The following ITGA8 variants were observed in gnomAD, a reference collection of about 807,000 sequenced individuals.
The protein encoded by ITGA8 is integrin subunit alpha 8.
In ITGA8, 91 loss-of-function variants were observed where a neutral mutation model predicts 142.3. The observed-to-expected ratio is 0.64, with a 90% CI of 0.54 to 0.76. The LOEUF is 0.76. ITGA8 is among the 30% of genes least tolerant of loss of function. ITGA8 has a pLI of 0.00. For synonymous variants in ITGA8, 505 were observed against 485.2 expected (o/e 1.04, Z -0.54); for missense variants, 1,406 against 1,327.7 (o/e 1.06, Z -0.92).
At chr10:15,597,501 G>A (rs1020445506) in intron 20 of ITGA8, among the ~76,000 whole-genome samples, 1 of 152,108 alleles carries the variant, frequency 6.6e-6, no homozygotes, top group African/African-American at 2.4e-5. Context: ...TAAATGTGTT[G>A]GGTAGGTAAG....
intron 2 of ITGA8, among the ~76,000 whole-genome samples, chr10:15,697,854 G>A (rs1835086374): frequency 6.6e-6 from 1 of 152,190 alleles, no homozygotes. Flanking sequence ...TGATAGAGTA[G>A]TCTTTGGTGC....
At chr10:15,521,673 T>C (rs182319925) in intron 28 of ITGA8, among the ~76,000 whole-genome samples, 1 of 152,330 alleles carries the variant, frequency 6.6e-6, no homozygotes, top group African/African-American at 2.4e-5. Context: ...CTTTATTTCA[T>C]CTGACACATC....
At chr10:15,539,247 T>C (rs1833519404) in intron 27 of ITGA8, among the ~76,000 whole-genome samples, 1 of 152,150 alleles carries the variant, frequency 6.6e-6, no homozygotes, top group African/African-American at 2.4e-5. Flanking sequence ...TGAATGTCAC[T>C]AAGGGTCTCT....
At chr10:15,560,860 T>G (rs917611120) in intron 25 of ITGA8, among the ~76,000 whole-genome samples, 1 of 152,118 alleles carries the variant, frequency 6.6e-6, no homozygotes, top group Non-Finnish European at 1.5e-5. Flanking sequence ...GCTTATTTCT[T>G]TTTAGGTATG....
intron 8 of ITGA8, among the ~76,000 whole-genome samples, chr10:15,663,101 C>T (rs745502781): frequency 6.6e-6 from 1 of 151,354 alleles, no homozygotes; most frequent in Non-Finnish European, 1.5e-5. Context: ...ATTAAGAACC[C>T]ATCATCTAGA....
chr10:15,619,733 G>T (rs1420485660), intron 13 of ITGA8, among the ~76,000 whole-genome samples: 1 of 151,598 alleles, frequency 6.6e-6, no homozygotes, highest in African/African-American at 2.4e-5. Flanking sequence ...GAGAAAAAAA[G>T]AGCTACCGAT....
intron 6 of ITGA8, among the ~76,000 whole-genome samples, chr10:15,675,354 T>G (rs1430291956): frequency 2.0e-5 from 3 of 152,146 alleles, no homozygotes; most frequent in Non-Finnish European, 2.9e-5. Context: ...CTACAGCCAT[T>G]CAGTAGCAGG....
chr10:15,599,024 A>T (rs1325484911), intron 20 of ITGA8, among the ~76,000 whole-genome samples: 1 of 152,116 alleles, frequency 6.6e-6, no homozygotes, highest in Non-Finnish European at 1.5e-5. Context: ...ACCCAGAAAA[A>T]TCTTCCGTAA....
chr10:15,593,178 A>G (rs1297314286), intron 21 of ITGA8, among the ~76,000 whole-genome samples: 2 of 152,198 alleles, frequency 1.3e-5, no homozygotes, highest in Admixed American at 6.5e-5. Context: ...TACATGGATT[A>G]CTTTTTCCTT....
At chr10:15,523,812 G>T (rs535539867) in intron 28 of ITGA8, among the ~76,000 whole-genome samples, 21 of 150,830 alleles carry the variant, frequency 1.4e-4, no homozygotes, top group Admixed American at 4.0e-4. Context: ...CATACCTGTA[G>T]TCTCGGCTGC....
intron 20 of ITGA8, among the ~76,000 whole-genome samples, chr10:15,598,068 C>T (rs1833038241): frequency 6.6e-6 from 1 of 152,096 alleles, no homozygotes; most frequent in African/African-American, 2.4e-5. Context: ...TCACTCTCTA[C>T]CCTATTCTTT....
At chr10:15,595,563 A>G (rs915291024) in intron 21 of ITGA8, among the ~76,000 whole-genome samples, 1 of 152,204 alleles carries the variant, frequency 6.6e-6, no homozygotes, top group Non-Finnish European at 1.5e-5. Flanking sequence ...CACATTTGTG[A>G]TTAAGACCAC....
At chr10:15,647,425 A>C (rs1199579366) in intron 11 of ITGA8, among the ~76,000 whole-genome samples, 1 of 146,338 alleles carries the variant, frequency 6.8e-6, no homozygotes, top group Admixed American at 6.7e-5. Context: ...TGCAATTAAT[A>C]TGACTATACA....
chr10:15,524,430 T>C (rs74650185), intron 28 of ITGA8, among the ~76,000 whole-genome samples: 2 of 152,324 alleles, frequency 1.3e-5, no homozygotes, highest in East Asian at 3.9e-4. Context: ...CTGTAATGAT[T>C]CAGTGTTCAG....
intron 27 of ITGA8, among the ~76,000 whole-genome samples, chr10:15,547,813 A>G (rs1833706180): frequency 6.6e-6 from 1 of 152,144 alleles, no homozygotes; most frequent in Non-Finnish European, 1.5e-5. Flanking sequence ...TTCTCTGGAC[A>G]TATATATCTT....
In ITGA8 at chr10:15,563,195, A is replaced by C. The variant is rs192221607; in HGVS notation, c.2638-4993T>G. ...GCTCCATGCTTCTTGTACAGCCTGC[A>C]GAACCGTGAGCCAATTAAACCTCTT... On this transcript the variant is annotated intron_variant, in intron 25 of 29. Coordinates refer to ENST00000378076, the MANE Select transcript of ITGA8 (RefSeq NM_003638.3). 6.4e-3 allele frequency among the ~76,000 whole-genome samples: 980 copies of C among 152,320 alleles called. 14 individuals carry two copies. The highest frequency in any genetic ancestry group is 0.022 in the African/African-American group (932 of 41,562).
At chr10:15,630,932 C>T (rs1339126679) in intron 13 of ITGA8, among the ~76,000 whole-genome samples, 1 of 151,962 alleles carries the variant, frequency 6.6e-6, no homozygotes, top group Non-Finnish European at 1.5e-5. Flanking sequence ...TGATGCTGAG[C>T]TTTTTTTCAT....
At chr10:15,544,911 G>A (rs1446286012) in intron 27 of ITGA8, among the ~76,000 whole-genome samples, 4 of 152,148 alleles carry the variant, frequency 2.6e-5, no homozygotes, top group Non-Finnish European at 5.9e-5. Context: ...AGAGGGCCAC[G>A]TGGTAAGGCC....
chr10:15,583,395 AG>A lies in ITGA8; in HGVS notation c.2372+3188del, dbSNP rs1467855510. Among the ~76,000 whole-genome samples the A allele has an allele frequency of 3.9e-5, 6 of 152,280 alleles. No homozygotes were observed. The East Asian group carries it at 1.2e-3, about 29-fold the overall frequency. ...GGGGGGCTAGGGAAGGGATAGCATT[AG>A]GAGAAATACCTAATGTAGATGATGG... On this transcript the variant is annotated intron_variant, in intron 23 of 29. Transcript: ENST00000378076.
Sources: gnomAD v4.1 joint callset for allele counts (sites outside exome capture counted in the v4.1 genomes callset) on GRCh38, gnomAD v4.1.1 for gene constraint, MANE v1.5 for transcripts, NCBI Gene and HGNC (gene_info 2026-07-23, HGNC 2026-07-21) for gene names.